NIT2: variants seen among roughly 807,000 people sequenced by gnomAD.
The protein encoded by NIT2 is omega-amidase NIT2.
NIT2 carries 46 observed loss-of-function variants against 42.7 expected under a neutral mutation model. That is an observed-to-expected ratio of 1.08 (90% CI 0.85 to 1.38). NIT2 has a LOEUF of 1.38. Among genes scored for constraint, NIT2 ranks in the 40% most tolerant of loss-of-function variants. NIT2 has a pLI of 0.00. For synonymous variants in NIT2, 123 were observed against 121.9 expected (o/e 1.01, Z -0.06); for missense variants, 309 against 342.5 (o/e 0.90, Z 0.77).
chr3:100,341,202 C>T (rs778985937), intron 4 of NIT2, 41 bp downstream of exon 4: 1 of 1,460,336 alleles, frequency 6.8e-7, no homozygotes, highest in East Asian at 2.3e-5. Flanking sequence ...TATCTCTAAG[C>T]CAGCAACAAT....
Position 100,334,779 on chromosome 3 carries a change from T to G in NIT2, c.-13T>G. On this transcript the variant is annotated 5_prime_UTR_variant, in exon 1 of 10. Transcript: ENST00000394140. The stretch of plus-strand genomic sequence containing the variant: ...CTCAGTCCGCGCCGCAGGTGGTGCT[T>G]GTCTGCAGAGTCATGACCTGTAAGT... 7.7e-7 allele frequency: 1 copy of G among 1,301,186 alleles called. No individual in the cohort carries two copies. The highest frequency in any genetic ancestry group is 9.8e-7 in the Non-Finnish European group (1 of 1,018,824). The allele number at this position is 1,301,186 out of a possible 1,614,324, so 80.6% of individuals were successfully genotyped here. A position where few individuals can be genotyped will look rare whatever the true frequency, so the allele number is the denominator to read the frequency against.
chr3:100,352,254 T>A (rs1411588545), intron 7 of NIT2, 150 bp from the exon 8 acceptor site: 2 of 516,868 alleles, frequency 3.9e-6, no homozygotes, highest in Non-Finnish European at 7.1e-6. Context: ...GGTAACTTTT[T>A]AAAGAGAAGG....
At chr3:100,342,824 G>T (rs753780990) in intron 4 of NIT2, among the ~76,000 whole-genome samples, 2 of 151,852 alleles carry the variant, frequency 1.3e-5, no homozygotes, top group Non-Finnish European at 1.5e-5. Context: ...TATCATTTCT[G>T]GTGTTTTTCT....
intron 9 of NIT2, 22 bp from the exon 10 acceptor site, chr3:100,355,155 T>C (rs754043080): frequency 2.8e-5 from 44 of 1,589,552 alleles, no homozygotes; most frequent in Non-Finnish European, 3.6e-5. Context: ...TTATTAATAG[T>C]GCACTTTCCT....
intron 6 of NIT2, among the ~76,000 whole-genome samples, chr3:100,347,347 C>T (rs1447858140): frequency 4.6e-5 from 7 of 152,194 alleles, no homozygotes; most frequent in Non-Finnish European, 1.0e-4. Flanking sequence ...CTACCCGCCT[C>T]GGCCTCCCAA....
At chr3:100,344,008 T>C (rs565375260) in intron 4 of NIT2, among the ~76,000 whole-genome samples, 2 of 152,238 alleles carry the variant, frequency 1.3e-5, no homozygotes, top group Non-Finnish European at 2.9e-5. Flanking sequence ...GCAGCAACTT[T>C]AGCTGCTCTG....
In NIT2 at chr3:100,356,504, C is replaced by T. The variant is rs906782146; in HGVS notation, c.*1236C>T. 6.6e-6 allele frequency: 1 copy of T among 152,222 alleles called. No homozygotes were observed. Among genetic ancestry groups the T allele is most frequent in the Non-Finnish European group, 1.5e-5 (1 of 68,030 alleles). The allele number at this position is 152,222 out of a possible 1,614,324, so 9.4% of individuals were successfully genotyped here. Reference sequence around the variant, plus strand: ...GGAGAAAAATTTAAAACACAAGATACATGAGCACACATTCCATTAGCTATT... The same window carrying T: ...GGAGAAAAATTTAAAACACAAGATATATGAGCACACATTCCATTAGCTATT... On this transcript the variant is annotated 3_prime_UTR_variant, in exon 10 of 10. Coordinates refer to ENST00000394140, the MANE Select transcript of NIT2 (RefSeq NM_020202.5).
At chr3:100,339,731 A>G in intron 2 of NIT2, 84 bp from the exon 3 acceptor site, 1 of 1,348,768 alleles carries the variant, frequency 7.4e-7, no homozygotes, top group Non-Finnish European at 1.0e-6. Context: ...CAGAGCTAGA[A>G]GCAGCAGCTA....
rs547708487 is a variant in NIT2 at position 100,356,531 on chromosome 3, A to G, written c.*1263A>G. The G allele has an allele frequency of 4.3e-4, 65 of 152,352 alleles. No homozygotes were observed. The highest frequency in any genetic ancestry group is 1.5e-3 in the African/African-American group (62 of 41,580). The allele number at this position is 152,352 out of a possible 1,614,324, so 9.4% of individuals were successfully genotyped here. On this transcript the variant is annotated 3_prime_UTR_variant, in exon 10 of 10. Coordinates refer to ENST00000394140, the MANE Select transcript of NIT2 (RefSeq NM_020202.5). ...TGAGCACACATTCCATTAGCTATTAAGGTGATGGACACGGTGTCCAAATGA... is the reference window on the plus strand; with the variant it reads ...TGAGCACACATTCCATTAGCTATTAGGGTGATGGACACGGTGTCCAAATGA...
At chr3:100,350,813 G>A (rs1053247282) in intron 7 of NIT2, among the ~76,000 whole-genome samples, 20 of 151,994 alleles carry the variant, frequency 1.3e-4, no homozygotes, top group Non-Finnish European at 1.3e-4. Context: ...CCATTAACTC[G>A]TCATTTAGCA....
At chr3:100,335,302 T>C (rs1706055858) in intron 1 of NIT2, among the ~76,000 whole-genome samples, 1 of 152,224 alleles carries the variant, frequency 6.6e-6, no homozygotes, top group Non-Finnish European at 1.5e-5. Context: ...GTCCCCTGTT[T>C]CTTTATTTGT....
chr3:100,361,071 C>T lies in NIT2; in HGVS notation c.*5803C>T, dbSNP rs1706379769. The T allele has an allele frequency of 6.5e-6, 1 of 152,894 alleles. No homozygotes were observed. The highest frequency in any genetic ancestry group is 2.4e-5 in the African/African-American group (1 of 41,410). 9.5% of individuals were successfully genotyped at this position (152,894 alleles called of 1,614,324 possible). A position where few individuals can be genotyped will look rare whatever the true frequency, so the allele number is the denominator to read the frequency against. ...TAAATAATTAAGTCTGTTGTCTGAC[C>T]CAGGAGTCTCATGTCTTCTGCCAGC... is the stretch of plus-strand genomic sequence containing the variant. On this transcript the variant is annotated 3_prime_UTR_variant, in exon 10 of 10. Transcript: ENST00000394140.
chr3:100,343,429 TTC>T (rs1706177277), intron 4 of NIT2, among the ~76,000 whole-genome samples: 1 of 152,158 alleles, frequency 6.6e-6, no homozygotes, highest in Non-Finnish European at 1.5e-5. Context: ...ATTAGATAAT[TTC>T]TGTTGATCTT....
At chr3:100,352,330 A>C in intron 7 of NIT2, 74 bp from the exon 8 acceptor site, 1 of 1,114,094 alleles carries the variant, frequency 9.0e-7, no homozygotes, top group African/African-American at 1.5e-5. Context: ...TAAAAGAAGG[A>C]TCTATCTACT....
In NIT2 at chr3:100,361,518, A is replaced by C. The variant is rs1162649163; in HGVS notation, c.*6250A>C. 3.3e-5 allele frequency: 5 copies of C among 152,304 alleles called. No individual in the cohort carries two copies. The highest frequency in any genetic ancestry group is 1.2e-4 in the African/African-American group (5 of 41,450). 9.4% of individuals were successfully genotyped at this position (152,304 alleles called of 1,614,324 possible). A position where few individuals can be genotyped will look rare whatever the true frequency, so the allele number is the denominator to read the frequency against. ...CAGGTACCACAGCTACTTCTATCCC[A>C]GTGATCAGCAGGCCCTCCAGCATGA... On this transcript the variant is annotated 3_prime_UTR_variant, in exon 10 of 10. Transcript: ENST00000394140.
At chr3:100,344,752 T>A (rs1428026776) in intron 4 of NIT2, among the ~76,000 whole-genome samples, 1 of 151,678 alleles carries the variant, frequency 6.6e-6, no homozygotes, top group African/African-American at 2.4e-5. Flanking sequence ...TTCAAGCTGT[T>A]CTCTTCTTTC....
intron 4 of NIT2, 54 bp from the exon 5 acceptor site, chr3:100,345,531 C>T: frequency 8.3e-7 from 1 of 1,203,594 alleles, no homozygotes; most frequent in Non-Finnish European, 1.2e-6. Context: ...ATTGTCATTA[C>T]TGCCATGGAC....
chr3:100,359,211 G>C lies in NIT2; in HGVS notation c.*3943G>C, dbSNP rs1353166633. The C allele has an allele frequency of 6.6e-6, 1 of 152,178 alleles. No homozygotes were observed. Among genetic ancestry groups the C allele is most frequent in the African/African-American group, 2.4e-5 (1 of 41,436 alleles). The allele number at this position is 152,178 out of a possible 1,614,324, so 9.4% of individuals were successfully genotyped here. A position where few individuals can be genotyped will look rare whatever the true frequency, so the allele number is the denominator to read the frequency against. On this transcript the variant is annotated 3_prime_UTR_variant, in exon 10 of 10. Transcript: ENST00000394140. Reference sequence around the variant, plus strand: ...TTCTTGTTCAATGATTTACTTCACAGCTGATTCATAATCAAATGAACAAGA... The same window carrying C: ...TTCTTGTTCAATGATTTACTTCACACCTGATTCATAATCAAATGAACAAGA...
chr3:100,355,960 A>G lies in NIT2; in HGVS notation c.*692A>G, dbSNP rs1421926543. ...ATAGCGTTGAGTGTCTGAAAGTCCC[A>G]TTATTTTTCTTTTTTCTTTTTCCCC... On this transcript the variant is annotated 3_prime_UTR_variant, in exon 10 of 10. Transcript: ENST00000394140. 1.3e-5 allele frequency: 2 copies of G among 152,162 alleles called. No individual in the cohort carries two copies. The highest frequency in any genetic ancestry group is 2.9e-5 in the Non-Finnish European group (2 of 68,042). The allele number at this position is 152,162 out of a possible 1,614,324, so 9.4% of individuals were successfully genotyped here.
Sources: gnomAD v4.1 joint callset for allele counts (sites outside exome capture counted in the v4.1 genomes callset) on GRCh38, gnomAD v4.1.1 for gene constraint, MANE v1.5 for transcripts, NCBI Gene and HGNC (gene_info 2026-07-23, HGNC 2026-07-21) for gene names.